CCDC178: variants seen among roughly 807,000 people sequenced by gnomAD.
The protein encoded by CCDC178 is coiled-coil domain containing 178.
CCDC178 carries 126 observed loss-of-function variants against 117.4 expected under a neutral mutation model. The observed-to-expected ratio is 1.07, with a 90% CI of 0.93 to 1.24. The LOEUF is 1.24. CCDC178 is among the 50% of genes most tolerant of loss of function. The pLI is 0.00. For synonymous variants in CCDC178, 283 were observed against 313.4 expected (o/e 0.90, Z 1.02); for missense variants, 1,030 against 986.9 (o/e 1.04, Z -0.59).
At chr18:33,179,874 C>T (rs532403224) in intron 20 of CCDC178, among the ~76,000 whole-genome samples, 2 of 151,920 alleles carry the variant, frequency 1.3e-5, no homozygotes, top group Non-Finnish European at 2.9e-5. Flanking sequence ...ACTTCATGGA[C>T]ATTAATGGGA....
chr18:33,030,118 C>T (rs2056306664), intron 21 of CCDC178, among the ~76,000 whole-genome samples: 1 of 151,984 alleles, frequency 6.6e-6, no homozygotes, highest in Non-Finnish European at 1.5e-5. Flanking sequence ...CTCTTCAAGT[C>T]TGTCAGTTTT....
At chr18:33,419,813 A>G (rs1457261518) in intron 2 of CCDC178, among the ~76,000 whole-genome samples, 1 of 152,164 alleles carries the variant, frequency 6.6e-6, no homozygotes, top group East Asian at 1.9e-4. Flanking sequence ...AAGAAAAGGA[A>G]ACGCTTATGC....
intron 6 of CCDC178, among the ~76,000 whole-genome samples, chr18:33,364,907 T>A (rs1425292971): frequency 6.6e-6 from 1 of 151,974 alleles, no homozygotes; most frequent in Non-Finnish European, 1.5e-5. Flanking sequence ...TATGGTTACA[T>A]AACATCTTAA....
In CCDC178 at chr18:33,179,081, ATATATAT is replaced by A. The variant is rs1568036903; in HGVS notation, c.2238+32808_2238+32814del. 3.2e-4 allele frequency among the ~76,000 whole-genome samples: 20 copies of A among 62,082 alleles called. 1 individual carries two copies. Among genetic ancestry groups the A allele is most frequent in the African/African-American group, 1.8e-3 (18 of 10,280 alleles). 40.7% of individuals were successfully genotyped at this position (62,082 alleles called of 152,430 possible). ...CAGTAAAAAAAAAAAAAAAAAAAAT[ATATATAT>A]ATATATATATATATATATATAAACT... On this transcript the variant is annotated intron_variant, in intron 20 of 22. Coordinates refer to ENST00000383096, the MANE Select transcript of CCDC178 (RefSeq NM_001105528.4).
chr18:32,984,196 T>A (rs1348556876), intron 21 of CCDC178, among the ~76,000 whole-genome samples: 1 of 151,854 alleles, frequency 6.6e-6, no homozygotes, highest in Non-Finnish European at 1.5e-5. Context: ...AAGAATTATT[T>A]AATTACTCTA....
intron 22 of CCDC178, among the ~76,000 whole-genome samples, chr18:32,946,928 C>T (rs1170862221): frequency 6.6e-6 from 1 of 151,876 alleles, no homozygotes; most frequent in Non-Finnish European, 1.5e-5. Flanking sequence ...TACCGGCACG[C>T]ACCACCACGC....
At chr18:33,041,179 A>G (rs2056543992) in intron 21 of CCDC178, among the ~76,000 whole-genome samples, 1 of 151,998 alleles carries the variant, frequency 6.6e-6, no homozygotes, top group South Asian at 2.1e-4. Flanking sequence ...TATATAAACA[A>G]ATTAGAAACT....
chr18:32,999,542 C>A (rs908303206), intron 21 of CCDC178, among the ~76,000 whole-genome samples: 1 of 152,156 alleles, frequency 6.6e-6, no homozygotes, highest in African/African-American at 2.4e-5. Flanking sequence ...AAACCCAGTG[C>A]TGTGCTGGCT....
intron 12 of CCDC178, among the ~76,000 whole-genome samples, chr18:33,270,696 T>TA (rs2059876758): frequency 2.6e-5 from 4 of 151,524 alleles, no homozygotes; most frequent in Admixed American, 2.0e-4. Flanking sequence ...AATATTGGGA[T>TA]AAACCTGTTC....
intron 6 of CCDC178, among the ~76,000 whole-genome samples, chr18:33,365,616 C>T (rs2063192490): frequency 6.6e-6 from 1 of 151,964 alleles, no homozygotes; most frequent in African/African-American, 2.4e-5. Flanking sequence ...GCTTTATTAT[C>T]ATAGTTGATG....
At chr18:33,272,387 C>T (rs1162545130) in intron 12 of CCDC178, among the ~76,000 whole-genome samples, 1 of 151,456 alleles carries the variant, frequency 6.6e-6, no homozygotes, top group Non-Finnish European at 1.5e-5. Flanking sequence ...CTGTAACAAG[C>T]AAATAAACTG....
At chr18:33,040,485 A>C (rs1194510841) in intron 21 of CCDC178, among the ~76,000 whole-genome samples, 1 of 151,988 alleles carries the variant, frequency 6.6e-6, no homozygotes, top group Admixed American at 6.6e-5. Flanking sequence ...TCCAATACAA[A>C]AGACCAGAAA....
chr18:33,284,510 T>A (rs2060073050), intron 12 of CCDC178, among the ~76,000 whole-genome samples: 1 of 152,160 alleles, frequency 6.6e-6, no homozygotes. Flanking sequence ...TATGATAATA[T>A]CATTATTCAT....
At chr18:33,072,146 T>C (rs1342292088) in intron 21 of CCDC178, among the ~76,000 whole-genome samples, 1 of 152,112 alleles carries the variant, frequency 6.6e-6, no homozygotes, top group African/African-American at 2.4e-5. Context: ...ATACTATACT[T>C]TTAAATGAAT....
chr18:33,186,924 A>G (rs1308619950), intron 20 of CCDC178, among the ~76,000 whole-genome samples: 1 of 152,042 alleles, frequency 6.6e-6, no homozygotes, highest in East Asian at 1.9e-4. Flanking sequence ...ACAGACAGAC[A>G]TGCTGTACTA....
chr18:33,041,372 C>A (rs935522417), intron 21 of CCDC178, among the ~76,000 whole-genome samples: 3 of 151,066 alleles, frequency 2.0e-5, no homozygotes, highest in African/African-American at 7.3e-5. Context: ...ATATACAAAG[C>A]AGACCACCAT....
At chr18:33,056,831 A>G (rs558967229) in intron 21 of CCDC178, among the ~76,000 whole-genome samples, 3 of 152,146 alleles carry the variant, frequency 2.0e-5, no homozygotes, top group Non-Finnish European at 4.4e-5. Context: ...TTTCCAGTTT[A>G]TAGACCATTA....
intron 20 of CCDC178, among the ~76,000 whole-genome samples, chr18:33,179,402 AAAT>A (rs2058708462): frequency 6.6e-6 from 1 of 151,538 alleles, no homozygotes; most frequent in Non-Finnish European, 1.5e-5. Flanking sequence ...GTCTTAATTC[AAAT>A]AATATTTTTA....
chr18:33,236,393 G>T (rs938832603), intron 15 of CCDC178, among the ~76,000 whole-genome samples: 4 of 152,040 alleles, frequency 2.6e-5, no homozygotes, highest in African/African-American at 9.7e-5. Context: ...AATTTATTTT[G>T]AACTCTGAAG....
Sources: gnomAD v4.1 joint callset for allele counts (sites outside exome capture counted in the v4.1 genomes callset) on GRCh38, gnomAD v4.1.1 for gene constraint, MANE v1.5 for transcripts, NCBI Gene and HGNC (gene_info 2026-07-23, HGNC 2026-07-21) for gene names.